Variants in PTPRA observed in about 807,000 individuals in gnomAD.
PTPRA encodes receptor-type tyrosine-protein phosphatase alpha.
In PTPRA, 25 loss-of-function variants were observed where a neutral mutation model predicts 104.8. The observed-to-expected ratio is 0.24, with a 90% CI of 0.17 to 0.33. The LOEUF (loss-of-function observed/expected upper bound fraction) is 0.33. PTPRA is among the 10% of genes least tolerant of loss of function. The pLI is 1.00. For missense variants in PTPRA, 765 were observed against 1,015.3 expected (o/e 0.75, Z 3.35); for synonymous variants, 323 against 368.9 (o/e 0.88, Z 1.43).
At chr20:3,009,668 G>A (rs1273217350) in intron 11 of PTPRA, among the ~76,000 whole-genome samples, 4 of 152,134 alleles carry the variant, frequency 2.6e-5, no homozygotes, top group Non-Finnish European at 1.5e-5. Context: ...TGTTGTAGTC[G>A]ATAAGGAAAA....
chr20:2,885,980 C>T (rs1185022713), intron 1 of PTPRA, among the ~76,000 whole-genome samples: 1 of 152,188 alleles, frequency 6.6e-6, no homozygotes. Flanking sequence ...AGGAGAATTG[C>T]TTGAACCCAG....
At chr20:2,910,313 T>G (rs2059637387) in intron 1 of PTPRA, among the ~76,000 whole-genome samples, 1 of 84,422 alleles carries the variant, frequency 1.2e-5, no homozygotes, top group South Asian at 4.4e-4. Flanking sequence ...TTTTATATAT[T>G]ATAATATATA....
chr20:2,922,373 T>C (rs1377286804), intron 1 of PTPRA, among the ~76,000 whole-genome samples: 1 of 152,304 alleles, frequency 6.6e-6, no homozygotes, highest in East Asian at 1.9e-4. Flanking sequence ...GGAGTCTCAC[T>C]CTGTTGCCCA....
intron 8 of PTPRA, 58 bp downstream of exon 8, chr20:2,988,163 G>A: frequency 2.0e-6 from 3 of 1,527,654 alleles, no homozygotes; most frequent in African/African-American, 2.8e-5. Context: ...CAAGAAATTA[G>A]GAGTTTCTCC....
upstream of PTPRA, among the ~76,000 whole-genome samples, chr20:2,871,528 C>T (rs1440199788): frequency 6.6e-6 from 1 of 152,056 alleles, no homozygotes; most frequent in Non-Finnish European, 1.5e-5. Context: ...AAAAACTAAT[C>T]AACAAAAAGA....
At chr20:2,867,704 C>A in the PTPRA span, among the ~76,000 whole-genome samples, 1 of 152,220 alleles carries the variant, frequency 6.6e-6, no homozygotes, top group Non-Finnish European at 1.5e-5. Flanking sequence ...CCCACTTTGT[C>A]TACAAGGAGG....
intron 9 of PTPRA, among the ~76,000 whole-genome samples, chr20:2,998,857 A>G (rs1054311652): frequency 6.6e-6 from 1 of 151,790 alleles, no homozygotes; most frequent in African/African-American, 2.4e-5. Flanking sequence ...AAACCCACAG[A>G]TTCATCAGAC....
chr20:3,020,333 C>T (rs947099818), intron 13 of PTPRA, among the ~76,000 whole-genome samples: 15 of 152,134 alleles, frequency 9.9e-5, no homozygotes, highest in Non-Finnish European at 1.6e-4. Context: ...CTCCTGACCT[C>T]GTGATCCACC....
upstream of PTPRA, among the ~76,000 whole-genome samples, chr20:2,868,618 CTTTTTTTTTTT>C (rs56081198): frequency 1.5e-4 from 7 of 45,216 alleles, no homozygotes; most frequent in African/African-American, 8.7e-5. Context: ...TCATTCTGGG[CTTTTTTTTTTT>C]TTTTTTTTTT....
intron 5 of PTPRA, among the ~76,000 whole-genome samples, chr20:2,968,895 A>G (rs2062045006): frequency 6.6e-6 from 1 of 151,956 alleles, no homozygotes; most frequent in Admixed American, 6.6e-5. Flanking sequence ...AGTCTGGGCA[A>G]CAGAGGGAGA....
At chr20:2,878,090 G>A (rs906596029) in intron 1 of PTPRA, among the ~76,000 whole-genome samples, 1 of 152,178 alleles carries the variant, frequency 6.6e-6, no homozygotes, top group Non-Finnish European at 1.5e-5. Context: ...GGCGGAAGTT[G>A]CAGTGAGCCA....
At chr20:2,910,748 A>C (rs148706076) in intron 1 of PTPRA, among the ~76,000 whole-genome samples, 4,365 of 149,458 alleles carry the variant, frequency 0.029, 89 homozygotes, top group South Asian at 0.075. Context: ...CTGGGACTAC[A>C]GGCACCCACC....
intron 12 of PTPRA, among the ~76,000 whole-genome samples, chr20:3,017,012 G>T (rs370774353): frequency 2.0e-5 from 3 of 152,030 alleles, no homozygotes; most frequent in African/African-American, 4.8e-5. Flanking sequence ...ATTCACAGCC[G>T]AAACACACAG....
At chr20:3,020,670 C>T (rs2064821653) in intron 13 of PTPRA, among the ~76,000 whole-genome samples, 1 of 152,222 alleles carries the variant, frequency 6.6e-6, no homozygotes, top group Admixed American at 6.5e-5. Context: ...TGGGGTCGAG[C>T]CCCAGCGAGG....
intron 5 of PTPRA, among the ~76,000 whole-genome samples, chr20:2,965,530 A>G (rs773489427): frequency 6.6e-6 from 1 of 152,192 alleles, no homozygotes; most frequent in Non-Finnish European, 1.5e-5. Context: ...GATACAGAGA[A>G]TGAGTAATAA....
chr20:3,003,644 C>G (rs1240065126), intron 9 of PTPRA, among the ~76,000 whole-genome samples: 1 of 151,740 alleles, frequency 6.6e-6, no homozygotes, highest in Non-Finnish European at 1.5e-5. Context: ...AAGTGTTCCT[C>G]CCACCTCAGC....
At chr20:3,004,738 G>A (rs891874988) in intron 9 of PTPRA, among the ~76,000 whole-genome samples, 1 of 152,218 alleles carries the variant, frequency 6.6e-6, no homozygotes, top group Non-Finnish European at 1.5e-5. Context: ...AATTTACAAG[G>A]GTAGGCCCTT....
At chr20:2,993,323 G>A (rs571475701) in intron 9 of PTPRA, among the ~76,000 whole-genome samples, 1 of 152,188 alleles carries the variant, frequency 6.6e-6, no homozygotes, top group Non-Finnish European at 1.5e-5. Context: ...AGAAAATTTG[G>A]CTGAGGTGGC....
intron 5 of PTPRA, among the ~76,000 whole-genome samples, chr20:2,969,622 AGGCG>A (rs1450665482): frequency 0.015 from 1,730 of 114,426 alleles, 65 homozygotes; most frequent in African/African-American, 0.051. Flanking sequence ...TGGGAGGCTG[AGGCG>A]GGCAGATCAC....
Sources: gnomAD v4.1 joint callset for allele counts (sites outside exome capture counted in the v4.1 genomes callset) on GRCh38, gnomAD v4.1.1 for gene constraint, MANE v1.5 for transcripts, NCBI Gene and HGNC (gene_info 2026-07-23, HGNC 2026-07-21) for gene names.